The following TMEM41A variants were observed in gnomAD, a reference collection of about 807,000 sequenced individuals.
The protein encoded by TMEM41A is transmembrane protein 41A.
In TMEM41A, 20 loss-of-function variants were observed where a neutral mutation model predicts 25.7. The ratio of observed to expected loss-of-function variants is 0.78; its 90% CI spans 0.55 to 1.13. The LOEUF (loss-of-function observed/expected upper bound fraction) is 1.13. Among genes scored for constraint, TMEM41A ranks in the 50% most tolerant of loss-of-function variants. The pLI, the probability that TMEM41A is intolerant of heterozygous loss-of-function variation, is 0.00. For missense variants in TMEM41A, 299 were observed against 314.3 expected, an observed-to-expected ratio of 0.95 and a Z score of 0.37; for synonymous variants, 133 against 139.6, an observed-to-expected ratio of 0.95 and a Z score of 0.33.
At position 185,491,359 on chromosome 3, in the gene TMEM41A, C is replaced by G; in HGVS notation, c.*178G>C. 1 of 571,340 alleles carries G rather than the reference C, an allele frequency of 1.8e-6. No individual in the cohort carries two copies. The highest frequency in any genetic ancestry group is 3.1e-6 in the Non-Finnish European group (1 of 322,252). 35.4% of individuals were successfully genotyped at this position (571,340 alleles called of 1,614,324 possible). ...TGCTACACCAGGGCTGGTTTGAAAA[C>G]CTGATGTAATACACCTTCAAGAGCA... On this transcript the variant is annotated 3_prime_UTR_variant, in exon 5 of 5. Transcript: ENST00000421852.
chr3:185,499,004 CTTGCACT>C lies in TMEM41A; in HGVS notation c.-50_-44del. 6.5e-7 allele frequency: 1 copy of C among 1,533,040 alleles called. No individual in the cohort carries two copies. Among genetic ancestry groups the C allele is most frequent in the Non-Finnish European group, 8.9e-7 (1 of 1,125,840 alleles). The allele number at this position is 1,533,040 out of a possible 1,614,324, so 95.0% of individuals were successfully genotyped here. A position where few individuals can be genotyped will look rare whatever the true frequency, so the allele number is the denominator to read the frequency against. ...GCCCGCGGGGCAGCCGAGAAGCTCA[CTTGCACT>C]CCGGGACGCAGCGGCGGGCGGACTG... On this transcript the variant is annotated 5_prime_UTR_variant, in exon 1 of 5. Transcript: ENST00000421852.
At chr3:185,495,103 A>G in intron 3 of TMEM41A, 51 bp downstream of exon 3, 1 of 1,598,654 alleles carries the variant, frequency 6.3e-7, no homozygotes, top group South Asian at 1.1e-5. Flanking sequence ...AAGGCCATGC[A>G]CGTAGCGACT....
intron 3 of TMEM41A, 48 bp from the exon 4 acceptor site, chr3:185,494,809 G>C: frequency 1.9e-6 from 3 of 1,546,768 alleles, no homozygotes; most frequent in South Asian, 2.6e-5. Flanking sequence ...AGGGTCTCCA[G>C]GTGTTGAAAA....
intron 2 of TMEM41A, 44 bp downstream of exon 2, chr3:185,496,784 T>C: frequency 6.3e-7 from 1 of 1,578,130 alleles, no homozygotes; most frequent in South Asian, 1.2e-5. Context: ...TATCCAAATT[T>C]TACAGATAAG....
rs1718943867 is a variant in TMEM41A, at chr3:185,491,361, T to A, written c.*176A>T. On this transcript the variant is annotated 3_prime_UTR_variant, in exon 5 of 5. Coordinates refer to ENST00000421852, the MANE Select transcript of TMEM41A (RefSeq NM_080652.4). ...CTACACCAGGGCTGGTTTGAAAACC[T>A]GATGTAATACACCTTCAAGAGCAGA... 4 of 575,242 alleles carry A rather than the reference T, an allele frequency of 7.0e-6. No homozygotes were observed. The highest frequency in any genetic ancestry group is 6.4e-5 in the South Asian group (3 of 47,230). The allele number at this position is 575,242 out of a possible 1,614,324, so 35.6% of individuals were successfully genotyped here. A position where few individuals can be genotyped will look rare whatever the true frequency, so the allele number is the denominator to read the frequency against.
intron 1 of TMEM41A, among the ~76,000 whole-genome samples, chr3:185,497,463 A>T (rs1448498287): frequency 6.6e-6 from 1 of 152,226 alleles, no homozygotes; most frequent in East Asian, 1.9e-4. Context: ...AAGTAAAACG[A>T]CTTTTTAGCA....
chr3:185,496,968 G>C lies in TMEM41A; in HGVS notation c.133C>G (p.Pro45Ala), dbSNP rs780605042. 7 of 1,596,456 alleles carry C rather than the reference G, an allele frequency of 4.4e-6. No individual in the cohort carries two copies. Among genetic ancestry groups the C allele is most frequent in the Non-Finnish European group, 6.0e-6 (7 of 1,173,016 alleles). The change falls in exon 2 of 5, where the codon CCC (proline) becomes GCC (alanine). Residue 45 changes from proline to alanine, a missense_variant. Transcript: ENST00000421852. ...EEAGGRSLWF[P>A]SDLAELRELS... ...TCCCGCAGCTCTGCCAGGTCGGAGG[G>C]GAACCACAGCGACCTGGGGATTTGG...
Position 185,495,166 on chromosome 3 carries a change from C to G in TMEM41A, c.423G>C (p.Leu141=). 6.2e-7 allele frequency: 1 copy of G among 1,613,784 alleles called. No homozygotes were observed. Among genetic ancestry groups the G allele is most frequent in the Non-Finnish European group, 8.5e-7 (1 of 1,180,008 alleles). The change falls in exon 3 of 5, where the codon CTG becomes CTC. Residue 141 remains leucine (L), a synonymous_variant. Transcript: ENST00000421852. The part of the protein sequence containing the change: ...VVSYFPDKVA[L]LQRKVEENRN... ...CCCCTCCCCTTACCTTTCTCTGCAGCAGGGCCACTTTATCAGGAAAGTAGG... is the reference window on the plus strand; with the variant it reads ...CCCCTCCCCTTACCTTTCTCTGCAGGAGGGCCACTTTATCAGGAAAGTAGG...
chr3:185,491,868 T>C, intron 4 of TMEM41A, 111 bp from the exon 5 acceptor site: 1 of 718,810 alleles, frequency 1.4e-6, no homozygotes, highest in Non-Finnish European at 2.3e-6. Context: ...TGCTTGACTC[T>C]TGACCCTTAT....
Position 185,494,697 on chromosome 3 carries a change from G to T in TMEM41A, c.500C>A (p.Pro167Gln), listed in dbSNP as rs1280987721. 1 of 1,613,280 alleles carries T rather than the reference G, an allele frequency of 6.2e-7. No individual in the cohort carries two copies. The highest frequency in any genetic ancestry group is 8.5e-7 in the Non-Finnish European group (1 of 1,179,736). ...GGCCGAGAGGTTCAAGAACCAGTTT[G>T]GTGTCATGGGGAAAAGTCTCAAAAA... is the stretch of plus-strand genomic sequence containing the variant. ...LLFLRLFPMT[P>Q]NWFLNLSAPI... is the part of the protein sequence containing the mutation. Residue 167 changes from proline (P) to glutamine (Q), a missense_variant, in exon 4 of 5, where the codon CCA (proline) becomes CAA (glutamine). Physicochemically the swap from Pro to Gln is moderately conservative, Grantham distance 76 (BLOSUM62 -1). Coordinates refer to ENST00000421852, the MANE Select transcript of TMEM41A (RefSeq NM_080652.4).
rs944832436 is a variant in TMEM41A at position 185,490,675 on chromosome 3, A to C, written c.*862T>G. ...ACGTGGAAGTCCTAGGCAGTTCGTC[A>C]ACTTGTTTCACTTGGCTTATGAAGA... On this transcript the variant is annotated 3_prime_UTR_variant, in exon 5 of 5. Transcript: ENST00000421852. 1 of 152,254 alleles carries C rather than the reference A, an allele frequency of 6.6e-6. No homozygotes were observed. Among genetic ancestry groups the C allele is most frequent in the Non-Finnish European group, 1.5e-5 (1 of 68,056 alleles). The allele number at this position is 152,254 out of a possible 1,614,324, so 9.4% of individuals were successfully genotyped here.
At chr3:185,495,832 A>C (rs1020995368) in intron 2 of TMEM41A, 1 of 155,398 alleles carries the variant, frequency 6.4e-6, no homozygotes, top group Non-Finnish European at 1.4e-5. Context: ...AATGAGGATA[A>C]GGATAAAAGC....
In TMEM41A at chr3:185,491,725, T is replaced by C. The variant is rs138619479; in HGVS notation, c.607A>G (p.Thr203Ala). ...GTTAGGGTTGACAGGATGGACCCTG[T>C]CTGCACACAGATGAAATTATATGGG... is the stretch of plus-strand genomic sequence containing the variant. Reference protein sequence around the residue: ...LIPYNFICVQTGSILSTLTSL... With the variant: ...LIPYNFICVQAGSILSTLTSL... The change falls in exon 5 of 5, where the codon ACA (threonine) becomes GCA (alanine). Residue 203 changes from threonine (T) to alanine (A), a missense_variant. Coordinates refer to ENST00000421852, the MANE Select transcript of TMEM41A (RefSeq NM_080652.4). The C allele has an allele frequency of 7.4e-6, 12 of 1,613,888 alleles. No individual in the cohort carries two copies. The highest frequency in any genetic ancestry group is 1.7e-5 in the Admixed American group (1 of 59,968).
rs1247304539 is a variant in TMEM41A, at chr3:185,490,092, G to A, written c.*1445C>T. On this transcript the variant is annotated 3_prime_UTR_variant, in exon 5 of 5. Transcript: ENST00000421852. The stretch of plus-strand genomic sequence containing the variant: ...AGTCCTGATGAGTTACTCCTGTGGG[G>A]TGCAGGATCACAGGGCTGGTCAGTT... 6.6e-6 allele frequency: 1 copy of A among 152,178 alleles called. No homozygotes were observed. Among genetic ancestry groups the A allele is most frequent in the African/African-American group, 2.4e-5 (1 of 41,450 alleles). 9.4% of individuals were successfully genotyped at this position (152,178 alleles called of 1,614,324 possible).
intron 2 of TMEM41A, chr3:185,496,550 T>C (rs1300169739): frequency 4.2e-6 from 2 of 473,304 alleles, no homozygotes; most frequent in Non-Finnish European, 7.8e-6. Flanking sequence ...GCTTTTCTTC[T>C]AGTTTCCGAC....
chr3:185,498,608 A>G, intron 1 of TMEM41A: 1 of 484,152 alleles, frequency 2.1e-6, no homozygotes, highest in Non-Finnish European at 3.6e-6. Context: ...CACACCCTGC[A>G]GCCAGCACCA....
rs758774342 is a variant in TMEM41A at position 185,498,853 on chromosome 3, C to T, written c.109G>A (p.Ala37Thr). The T allele has an allele frequency of 6.3e-6, 10 of 1,598,276 alleles. No individual in the cohort carries two copies. In the Admixed American group the frequency reaches 1.4e-4, roughly 22 times the overall value. ...RGRRLGSTEE[A>T]GGRSLWFPSD... ...ATTCCCGCCACGCACCTGCCTCCAG[C>T]CTCCTCGGTGGAGCCCAGTCTCCGC... is the stretch of plus-strand genomic sequence containing the variant. Residue 37 changes from alanine to threonine, a missense_variant, in exon 1 of 5, where the codon GCT becomes ACT. Ala to Thr is a moderately conservative substitution (Grantham distance 58). Transcript: ENST00000421852.
rs758476632 is a variant in TMEM41A, at chr3:185,494,729, GA to G, written c.467del (p.Phe156SerfsTer5). On this transcript the variant is annotated frameshift_variant, in exon 4 of 5. Coordinates refer to ENST00000421852, the MANE Select transcript of TMEM41A (RefSeq NM_080652.4). Reference sequence around the variant, plus strand: ...TGGGGAAAAGTCTCAAAAACAATAAGAAAAAAAACAAGCTGTTTCTGTTCTC... The same window carrying G: ...TGGGGAAAAGTCTCAAAAACAATAAGAAAAAAACAAGCTGTTTCTGTTCTC... ...VEENRNSLFFFLLFLRLFPMT... is the reference protein window; with the variant it reads ...VEENRNSLFFXLLFLRLFPMT... 5 of 1,608,602 alleles carry G rather than the reference GA, an allele frequency of 3.1e-6. No individual in the cohort carries two copies. The highest frequency in any genetic ancestry group is 4.2e-6 in the Non-Finnish European group (5 of 1,178,450).
chr3:185,492,359 A>G (rs1718983670), intron 4 of TMEM41A: 1 of 152,230 alleles, frequency 6.6e-6, no homozygotes, highest in Non-Finnish European at 1.5e-5. Context: ...TGCGTGCAGA[A>G]GAATACAAGA....
Sources: allele counts gnomAD v4.1 joint callset (sites outside exome capture counted in the v4.1 genomes callset), GRCh38; gene constraint gnomAD v4.1.1; transcripts MANE v1.5; gene names NCBI Gene and HGNC (gene_info 2026-07-23, HGNC 2026-07-21).